The following MYO3B variants were observed in gnomAD, a reference collection of about 807,000 sequenced individuals.
MYO3B encodes myosin IIIB.
In MYO3B, 156 loss-of-function variants were observed where a neutral mutation model predicts 174.6. That is an observed-to-expected ratio of 0.89 (90% CI 0.78 to 1.02). The LOEUF is 1.02. Among genes scored for constraint, MYO3B ranks in the 50% least tolerant of loss-of-function variants. The pLI, the probability that MYO3B is intolerant of heterozygous loss-of-function variation, is 0.00. For missense variants in MYO3B, 1,632 were observed against 1,639.4 expected (o/e 1.00, Z 0.08); for synonymous variants, 563 against 569.1 (o/e 0.99, Z 0.15).
rs1037363111 is a variant in MYO3B, at chr2:170,533,431, G to A, written c.3576-9475G>A. On this transcript the variant is annotated intron_variant, in intron 30 of 34. Coordinates refer to ENST00000408978, the MANE Select transcript of MYO3B (RefSeq NM_138995.5). ...ATATTATCTTTTGTGGGGGTGGGGG[G>A]GGGGTGTGCAGTGGTGAAAAGAACA... 6.7e-5 allele frequency among the ~76,000 whole-genome samples: 10 copies of A among 149,228 alleles called. 1 individual carries two copies. In the East Asian group the frequency reaches 8.0e-4, roughly 12 times the overall value.
intron 7 of MYO3B, among the ~76,000 whole-genome samples, chr2:170,305,623 C>T (rs912718359): frequency 3.3e-5 from 5 of 152,184 alleles, no homozygotes; most frequent in Non-Finnish European, 1.5e-5. Context: ...CTGTGCCCAT[C>T]ATTCAAGTAG....
chr2:170,390,969 G>A (rs773324818), intron 14 of MYO3B, among the ~76,000 whole-genome samples: 9 of 152,144 alleles, frequency 5.9e-5, no homozygotes, highest in Non-Finnish European at 8.8e-5. Flanking sequence ...CTATCTGAAA[G>A]GACCCTGGCC....
intron 1 of MYO3B, 73 bp downstream of exon 1, chr2:170,178,362 G>A (rs1001808482): frequency 6.3e-7 from 1 of 1,599,596 alleles, no homozygotes; most frequent in Non-Finnish European, 8.6e-7. Flanking sequence ...AAGGGCAGAT[G>A]CAGCTGCCCT....
At chr2:170,233,591 T>G (rs188365128) in intron 6 of MYO3B, among the ~76,000 whole-genome samples, 181 of 152,298 alleles carry the variant, frequency 1.2e-3, no homozygotes, top group African/African-American at 4.2e-3. Context: ...GAACTTCAGT[T>G]TGAATGTACA....
intron 7 of MYO3B, among the ~76,000 whole-genome samples, chr2:170,322,822 A>G (rs2093838578): frequency 6.6e-6 from 1 of 152,134 alleles, no homozygotes. Context: ...AAGGAACTGT[A>G]CAGCCTTCCT....
At chr2:170,438,492 G>A (rs2094773293) in intron 22 of MYO3B, among the ~76,000 whole-genome samples, 1 of 151,976 alleles carries the variant, frequency 6.6e-6, no homozygotes, top group Non-Finnish European at 1.5e-5. Context: ...TTAATTTTTT[G>A]AGGAAACTTT....
chr2:170,525,547 T>C (rs1018785050), intron 30 of MYO3B, among the ~76,000 whole-genome samples: 6 of 152,172 alleles, frequency 3.9e-5, no homozygotes, highest in Non-Finnish European at 7.3e-5. Context: ...GGTGCAAATG[T>C]TTTCACAAGA....
At position 170,625,183 on chromosome 2, in the gene MYO3B, A is replaced by G. The variant is rs542759336; in HGVS notation, c.3734-26445A>G. Among the ~76,000 whole-genome samples the G allele has an allele frequency of 2.0e-5, 3 of 152,258 alleles. No homozygotes were observed. The East Asian group carries it at 5.8e-4, about 29-fold the overall frequency. On this transcript the variant is annotated intron_variant, in intron 32 of 34. Transcript: ENST00000408978. The stretch of plus-strand genomic sequence containing the variant: ...TACCTCTGGTAGAATTTGGCTGTGA[A>G]TCCGTCTGGTCCTGGACTTTTTTTG...
chr2:170,634,481 A>G (rs1028237765), intron 32 of MYO3B, among the ~76,000 whole-genome samples: 6 of 138,018 alleles, frequency 4.3e-5, no homozygotes, highest in Non-Finnish European at 9.1e-5. Context: ...AGATGGATTA[A>G]AGACTTACAT....
chr2:170,438,364 C>G (rs979716053), intron 22 of MYO3B, among the ~76,000 whole-genome samples: 11 of 152,026 alleles, frequency 7.2e-5, no homozygotes, highest in Non-Finnish European at 1.6e-4. Context: ...CTTCTTGGCC[C>G]TTGTGAATAA....
intron 7 of MYO3B, among the ~76,000 whole-genome samples, chr2:170,308,674 C>G (rs1274549549): frequency 6.6e-6 from 1 of 152,078 alleles, no homozygotes; most frequent in East Asian, 1.9e-4. Flanking sequence ...CCTTTTCTTT[C>G]TTGATATATT....
At chr2:170,594,827 G>GCA (rs3047151) in intron 32 of MYO3B, among the ~76,000 whole-genome samples, 10,123 of 135,096 alleles carry the variant, frequency 0.075, 367 homozygotes, top group Non-Finnish European at 0.084. Flanking sequence ...CCCAGCGCGC[G>GCA]CACACACACA....
intron 25 of MYO3B, among the ~76,000 whole-genome samples, chr2:170,472,076 A>G (rs1685009970): frequency 6.6e-6 from 1 of 150,424 alleles, no homozygotes; most frequent in South Asian, 2.1e-4. Flanking sequence ...TTTTCTCTAT[A>G]TCTTTTCTGG....
At chr2:170,482,556 GT>G (rs1352460445) in intron 25 of MYO3B, among the ~76,000 whole-genome samples, 15 of 152,318 alleles carry the variant, frequency 9.8e-5, no homozygotes, top group African/African-American at 2.6e-4. Context: ...GGAACTGTAA[GT>G]TCAATTAAAC....
intron 8 of MYO3B, among the ~76,000 whole-genome samples, chr2:170,350,088 A>G (rs1413371861): frequency 6.6e-6 from 1 of 151,754 alleles, no homozygotes; most frequent in Non-Finnish European, 1.5e-5. Flanking sequence ...TGCAATCTCA[A>G]CCTCCCAGGG....
chr2:170,215,354 A>G (rs1448678590), intron 5 of MYO3B, among the ~76,000 whole-genome samples: 1 of 152,214 alleles, frequency 6.6e-6, no homozygotes, highest in Non-Finnish European at 1.5e-5. Flanking sequence ...GAAGTGTGAG[A>G]GGAAATGCAG....
At chr2:170,594,218 C>T (rs576904274) in intron 32 of MYO3B, among the ~76,000 whole-genome samples, 1 of 152,132 alleles carries the variant, frequency 6.6e-6, no homozygotes, top group East Asian at 1.9e-4. Context: ...TATATGGCTA[C>T]CTCTTGACCT....
At chr2:170,400,655 C>A (rs867354197) in intron 17 of MYO3B, among the ~76,000 whole-genome samples, 115 of 133,518 alleles carry the variant, frequency 8.6e-4, no homozygotes, top group Non-Finnish European at 1.4e-3. Flanking sequence ...CACCCCCCCC[C>A]CCTCGGCCTC....
At chr2:170,197,721 T>C (rs2092616054) in intron 1 of MYO3B, among the ~76,000 whole-genome samples, 1 of 127,788 alleles carries the variant, frequency 7.8e-6, no homozygotes, top group Admixed American at 7.3e-5. Flanking sequence ...CAGTTTCTTC[T>C]TCCTCCTCAT....
Sources: allele counts gnomAD v4.1 joint callset (sites outside exome capture counted in the v4.1 genomes callset), GRCh38; gene constraint gnomAD v4.1.1; transcripts MANE v1.5; gene names NCBI Gene and HGNC (gene_info 2026-07-23, HGNC 2026-07-21).